Variants in SERGEF observed in about 807,000 individuals in gnomAD.
The protein encoded by SERGEF is secretion regulating guanine nucleotide exchange factor, also known as secretion-regulating guanine nucleotide exchange factor.
A neutral mutation model predicts 50.0 loss-of-function variants in SERGEF; 51 were observed. That is an observed-to-expected ratio of 1.02 (90% CI 0.81 to 1.29). The LOEUF (loss-of-function observed/expected upper bound fraction) is 1.29. Ranked by LOEUF, SERGEF falls within the 50% of genes most tolerant of loss-of-function variation. The pLI, the probability that SERGEF is intolerant of heterozygous loss-of-function variation, is 0.00. For synonymous variants in SERGEF, 205 were observed against 212.4 expected (o/e 0.97, Z 0.30); for missense variants, 521 against 557.0 (o/e 0.94, Z 0.65).
chr11:17,843,974 T>C (rs2133865059), intron 10 of SERGEF, among the ~76,000 whole-genome samples: 1 of 152,314 alleles, frequency 6.6e-6, no homozygotes, highest in East Asian at 1.9e-4. Flanking sequence ...ACTAAAAATT[T>C]CTAAGCACCC....
intron 8 of SERGEF, among the ~76,000 whole-genome samples, chr11:17,962,641 T>C (rs1478035820): frequency 6.6e-6 from 1 of 152,246 alleles, no homozygotes; most frequent in African/African-American, 2.4e-5. Context: ...ATGTAAGAAT[T>C]AGCACAGAGA....
chr11:18,010,085 T>C, intron 1 of SERGEF: 1 of 1,241,254 alleles, frequency 8.1e-7, no homozygotes, highest in Non-Finnish European at 1.1e-6. Flanking sequence ...TCCTAGCTGG[T>C]TCTTCCTGGA....
chr11:17,964,335 T>A (rs1853074676), intron 8 of SERGEF, among the ~76,000 whole-genome samples: 1 of 151,674 alleles, frequency 6.6e-6, no homozygotes, highest in South Asian at 2.1e-4. Context: ...GAGGCCAACT[T>A]CCTTTACCAT....
chr11:17,788,308 G>A lies in SERGEF; in HGVS notation c.1154C>T (p.Ser385Leu), dbSNP rs1470300929. The change falls in exon 11 of 11, where the codon TCA (serine) becomes TTA (leucine). Residue 385 changes from serine (S) to leucine (L), a missense_variant. Coordinates refer to ENST00000265965, the MANE Select transcript of SERGEF (RefSeq NM_012139.4). ...AGCCCCACAGCCCACAAGGAGTCCT[G>A]ACGATGACAGCAGAGCCTGCACCGG... ...PKPVQALLSS[S>L]GLLVGCGAGH... is the part of the protein sequence containing the mutation. 1.5e-5 allele frequency: 25 copies of A among 1,614,224 alleles called. No individual in the cohort carries two copies. Among genetic ancestry groups the A allele is most frequent in the Non-Finnish European group, 2.0e-5 (24 of 1,180,036 alleles).
chr11:17,936,752 G>A (rs373729809), intron 9 of SERGEF, among the ~76,000 whole-genome samples: 2 of 152,322 alleles, frequency 1.3e-5, no homozygotes, highest in South Asian at 2.1e-4. Context: ...ATACCATTTC[G>A]TGGGTACAGG....
chr11:17,909,360 T>C lies in SERGEF; in HGVS notation c.1012-31116A>G, dbSNP rs1042176676. 4.6e-5 allele frequency among the ~76,000 whole-genome samples: 7 copies of C among 152,364 alleles called. No individual in the cohort carries two copies. The South Asian group carries it at 1.2e-3, about 27-fold the overall frequency. On this transcript the variant is annotated intron_variant, in intron 9 of 10. Coordinates refer to ENST00000265965, the MANE Select transcript of SERGEF (RefSeq NM_012139.4). Reference sequence around the variant, plus strand: ...TCTGTTTGAAGGAATCCAGAGCTTATAAATTGTTCCAGATTCCTTGTGACG... The same window carrying C: ...TCTGTTTGAAGGAATCCAGAGCTTACAAATTGTTCCAGATTCCTTGTGACG...
At chr11:17,992,409 C>A (rs1359791570) in intron 7 of SERGEF, among the ~76,000 whole-genome samples, 1 of 152,074 alleles carries the variant, frequency 6.6e-6, no homozygotes, top group East Asian at 1.9e-4. Context: ...TGAGATTAGA[C>A]AACTAGAGAG....
rs11600873 is a variant in SERGEF at position 17,925,348 on chromosome 11, G to C, written c.1011+34122C>G. On this transcript the variant is annotated intron_variant, in intron 9 of 10. Coordinates refer to ENST00000265965, the MANE Select transcript of SERGEF (RefSeq NM_012139.4). ...ATCTGTCTGTCACACACATCACAAAGACACCACTCATGGCAGAAGAAATAC... is the reference window on the plus strand; with the variant it reads ...ATCTGTCTGTCACACACATCACAAACACACCACTCATGGCAGAAGAAATAC... Among the ~76,000 whole-genome samples the C allele has an allele frequency of 1.2e-3, 82 of 68,174 alleles. 6 individuals are homozygous for C. In the East Asian group the frequency reaches 0.025, roughly 20 times the overall value. 44.7% of individuals were successfully genotyped at this position (68,174 alleles called of 152,430 possible).
intron 8 of SERGEF, among the ~76,000 whole-genome samples, chr11:17,974,830 G>C (rs1342105305): frequency 6.6e-6 from 1 of 152,142 alleles, no homozygotes; most frequent in Non-Finnish European, 1.5e-5. Context: ...ATATTAATTG[G>C]TGCTGTAACG....
intron 10 of SERGEF, among the ~76,000 whole-genome samples, chr11:17,858,747 A>T (rs911774161): frequency 3.7e-4 from 56 of 152,056 alleles, no homozygotes; most frequent in African/African-American, 1.3e-3. Flanking sequence ...AGGTATGGAC[A>T]ATGTTTATAT....
At chr11:17,951,517 T>C (rs1852773798) in intron 9 of SERGEF, among the ~76,000 whole-genome samples, 1 of 152,210 alleles carries the variant, frequency 6.6e-6, no homozygotes, top group East Asian at 1.9e-4. Context: ...ATTAACTTAC[T>C]GTCCCAATAC....
At chr11:17,859,180 A>G (rs1339407207) in intron 10 of SERGEF, among the ~76,000 whole-genome samples, 1 of 152,218 alleles carries the variant, frequency 6.6e-6, no homozygotes, top group Non-Finnish European at 1.5e-5. Flanking sequence ...TAAAAATTGG[A>G]AAAAAACAGA....
chr11:17,792,036 T>G (rs538523945), intron 10 of SERGEF, among the ~76,000 whole-genome samples: 1 of 152,226 alleles, frequency 6.6e-6, no homozygotes, highest in Non-Finnish European at 1.5e-5. Context: ...AGTTCAAGGA[T>G]TTGAATTTTT....
chr11:17,834,915 C>G (rs935337320), intron 10 of SERGEF, among the ~76,000 whole-genome samples: 2 of 152,142 alleles, frequency 1.3e-5, no homozygotes, highest in Non-Finnish European at 2.9e-5. Context: ...TTTGTCAGCT[C>G]CTTGAGAGCA....
At chr11:18,010,742 G>T (rs1854177411) in intron 1 of SERGEF, among the ~76,000 whole-genome samples, 1 of 152,172 alleles carries the variant, frequency 6.6e-6, no homozygotes. Context: ...ACTCTGCTTT[G>T]CTCACTGCTG....
chr11:17,889,411 T>G (rs1465612815), intron 9 of SERGEF, among the ~76,000 whole-genome samples: 1 of 152,192 alleles, frequency 6.6e-6, no homozygotes, highest in Non-Finnish European at 1.5e-5. Context: ...TATTTAGTAT[T>G]CCTGCCAAAA....
intron 9 of SERGEF, among the ~76,000 whole-genome samples, chr11:17,919,051 A>G (rs1030768779): frequency 3.3e-5 from 5 of 152,244 alleles, no homozygotes; most frequent in African/African-American, 9.6e-5. Context: ...ATCATATTAC[A>G]TAACAAATCA....
At chr11:17,987,577 T>A (rs895070043) in intron 8 of SERGEF, among the ~76,000 whole-genome samples, 6 of 152,238 alleles carry the variant, frequency 3.9e-5, no homozygotes, top group South Asian at 4.1e-4. Flanking sequence ...AAGTTTATTA[T>A]ACACCTTTGT....
chr11:17,895,365 C>A (rs901163680), intron 9 of SERGEF, among the ~76,000 whole-genome samples: 5 of 152,176 alleles, frequency 3.3e-5, no homozygotes, highest in Non-Finnish European at 5.9e-5. Context: ...TTGAACACAG[C>A]AGCAAGAATG....
Sources: gnomAD v4.1 joint callset for allele counts (sites outside exome capture counted in the v4.1 genomes callset) on GRCh38, gnomAD v4.1.1 for gene constraint, MANE v1.5 for transcripts, NCBI Gene and HGNC (gene_info 2026-07-23, HGNC 2026-07-21) for gene names.